The following GPC5 variants were observed in gnomAD, a reference collection of about 807,000 sequenced individuals.
GPC5 encodes the protein glypican-5.
Under a neutral mutation model 53.9 loss-of-function variants are expected in GPC5, and 47 were observed. The observed-to-expected ratio is 0.87, with a 90% CI of 0.69 to 1.11. The LOEUF (loss-of-function observed/expected upper bound fraction) is 1.11. Ranked by LOEUF, GPC5 falls within the 50% of genes most tolerant of loss-of-function variation. The pLI is 0.00. For missense variants in GPC5, 748 were observed against 713.1 expected (o/e 1.05, Z -0.56); for synonymous variants, 286 against 263.3 (o/e 1.09, Z -0.84).
At chr13:92,648,104 T>C (rs1594380547) in intron 7 of GPC5, among the ~76,000 whole-genome samples, 3 of 152,194 alleles carry the variant, frequency 2.0e-5, no homozygotes, top group Admixed American at 2.0e-4. Flanking sequence ...TAATCTAAAA[T>C]ATATACATAT....
Position 92,859,733 on chromosome 13 carries a change from G to A in GPC5, c.1562-6549G>A, listed in dbSNP as rs183701471. Among the ~76,000 whole-genome samples the A allele has an allele frequency of 4.5e-4, 69 of 151,798 alleles. No individual in the cohort carries two copies. The East Asian group carries it at 7.7e-3, about 17-fold the overall frequency. ...TTTTAAATTTTCTATTTGTATATTCGTTCTAGAAGTAATTTCACAAGAATG... is the reference window on the plus strand; with the variant it reads ...TTTTAAATTTTCTATTTGTATATTCATTCTAGAAGTAATTTCACAAGAATG... On this transcript the variant is annotated intron_variant, in intron 7 of 7. Coordinates refer to ENST00000377067, the MANE Select transcript of GPC5 (RefSeq NM_004466.6).
At chr13:92,396,075 G>A (rs1179565163) in intron 7 of GPC5, among the ~76,000 whole-genome samples, 1 of 151,884 alleles carries the variant, frequency 6.6e-6, no homozygotes, top group East Asian at 1.9e-4. Flanking sequence ...TTTTGCTCGT[G>A]TTTGAATTAT....
chr13:92,258,142 TG>T (rs945142146), intron 7 of GPC5, among the ~76,000 whole-genome samples: 6 of 152,180 alleles, frequency 3.9e-5, no homozygotes, highest in African/African-American at 1.4e-4. Flanking sequence ...AAGACCTAAA[TG>T]CCTAGGCTTC....
intron 7 of GPC5, among the ~76,000 whole-genome samples, chr13:92,754,272 C>A (rs1373728661): frequency 6.6e-6 from 1 of 152,144 alleles, no homozygotes; most frequent in Non-Finnish European, 1.5e-5. Flanking sequence ...TACAGACAAG[C>A]AAATGCTGAG....
intron 7 of GPC5, among the ~76,000 whole-genome samples, chr13:92,286,644 C>G (rs12874292): frequency 0.087 from 12,962 of 148,960 alleles, 613 homozygotes; most frequent in Middle Eastern, 0.13. Context: ...GACAAAAAAC[C>G]AAATACCGCA....
At chr13:91,986,061 C>T (rs76049123) in intron 6 of GPC5, among the ~76,000 whole-genome samples, 76 of 95,420 alleles carry the variant, frequency 8.0e-4, no homozygotes, top group South Asian at 1.2e-3. Context: ...TTAGCCAATA[C>T]TTTTTTTTTT....
At chr13:91,932,454 G>A (rs1478726661) in intron 6 of GPC5, among the ~76,000 whole-genome samples, 1 of 151,974 alleles carries the variant, frequency 6.6e-6, no homozygotes, top group East Asian at 1.9e-4. Context: ...AAGTTTCTTT[G>A]ACATGAAATG....
At chr13:92,415,582 G>C (rs1233425803) in intron 7 of GPC5, among the ~76,000 whole-genome samples, 1 of 151,956 alleles carries the variant, frequency 6.6e-6, no homozygotes, top group Non-Finnish European at 1.5e-5. Context: ...GCAATAGTGA[G>C]CTTGAAGTGT....
chr13:92,699,603 G>A (rs1887664470), intron 7 of GPC5, among the ~76,000 whole-genome samples: 1 of 152,120 alleles, frequency 6.6e-6, no homozygotes, highest in Non-Finnish European at 1.5e-5. Flanking sequence ...CTTTAAATGT[G>A]TCCCAAAGAT....
intron 7 of GPC5, among the ~76,000 whole-genome samples, chr13:92,617,725 G>A (rs1418902150): frequency 6.6e-6 from 1 of 152,048 alleles, no homozygotes; most frequent in Non-Finnish European, 1.5e-5. Context: ...TTTATAAATT[G>A]CAATGACTGG....
chr13:92,081,198 T>G (rs999839318), intron 6 of GPC5, among the ~76,000 whole-genome samples: 2 of 152,082 alleles, frequency 1.3e-5, no homozygotes, highest in African/African-American at 2.4e-5. Flanking sequence ...GCCTCCCGGG[T>G]TCGAGTGATT....
intron 6 of GPC5, among the ~76,000 whole-genome samples, chr13:91,926,582 C>T (rs1393520569): frequency 6.6e-6 from 1 of 152,068 alleles, no homozygotes; most frequent in Admixed American, 6.5e-5. Flanking sequence ...TGGCAAAATT[C>T]AGGAGTGCAA....
intron 7 of GPC5, among the ~76,000 whole-genome samples, chr13:92,691,857 C>T (rs1887411451): frequency 6.6e-6 from 1 of 151,676 alleles, no homozygotes; most frequent in South Asian, 2.1e-4. Context: ...TCAATTATTG[C>T]TGATATGGAA....
chr13:91,402,100 G>T (rs747822237), intron 1 of GPC5, among the ~76,000 whole-genome samples: 2 of 152,114 alleles, frequency 1.3e-5, no homozygotes, highest in African/African-American at 4.8e-5. Context: ...ATTGTGCATT[G>T]TTCACACATG....
intron 7 of GPC5, among the ~76,000 whole-genome samples, chr13:92,234,783 G>T (rs546391577): frequency 6.6e-6 from 1 of 152,052 alleles, no homozygotes; most frequent in African/African-American, 2.4e-5. Context: ...TTACGGCCTG[G>T]TGCAGGTGGA....
chr13:91,743,781 G>C (rs749726722), intron 4 of GPC5, among the ~76,000 whole-genome samples: 1 of 152,268 alleles, frequency 6.6e-6, no homozygotes, highest in African/African-American at 2.4e-5. Context: ...AGGGCACACA[G>C]CTCCACCATG....
intron 2 of GPC5, among the ~76,000 whole-genome samples, chr13:91,507,189 C>T (rs828803): frequency 0.92 from 140,107 of 152,124 alleles, 65,581 homozygotes; most frequent in East Asian, 1. Context: ...ATTTGGTGTA[C>T]GGTAAGGGCC....
chr13:92,705,739 T>TTCTA (rs1341208638), intron 7 of GPC5, among the ~76,000 whole-genome samples: 2 of 152,124 alleles, frequency 1.3e-5, no homozygotes, highest in Non-Finnish European at 2.9e-5. Flanking sequence ...TTTTTTAAAC[T>TTCTA]TCTATCTTTC....
intron 2 of GPC5, among the ~76,000 whole-genome samples, chr13:91,531,003 T>A (rs1886315953): frequency 6.6e-6 from 1 of 152,222 alleles, no homozygotes; most frequent in South Asian, 2.1e-4. Flanking sequence ...CAATTGCTCT[T>A]TCTTACTGCC....
Sources: allele counts gnomAD v4.1 joint callset (sites outside exome capture counted in the v4.1 genomes callset), GRCh38; gene constraint gnomAD v4.1.1; transcripts MANE v1.5; gene names NCBI Gene and HGNC (gene_info 2026-07-23, HGNC 2026-07-21).